The following CFAP20DC variants were observed in gnomAD, a reference collection of about 807,000 sequenced individuals.
CFAP20DC encodes CFAP20 domain containing, also known as protein CFAP20DC.
CFAP20DC carries 84 observed loss-of-function variants against 101.7 expected under a neutral mutation model. The observed-to-expected ratio is 0.83, with a 90% CI of 0.69 to 0.99. The LOEUF (loss-of-function observed/expected upper bound fraction) is 0.99, where lower values mean the gene tolerates loss of function less well. Ranked by LOEUF, CFAP20DC falls within the 50% of genes least tolerant of loss-of-function variation. CFAP20DC has a pLI of 0.00. For missense variants in CFAP20DC, 1,007 were observed against 970.3 expected (o/e 1.04, Z -0.50); for synonymous variants, 359 against 351.2 (o/e 1.02, Z -0.25).
rs1460372380 is a variant in CFAP20DC at position 58,894,468 on chromosome 3, A to G, written c.551-9759T>C. Among the ~76,000 whole-genome samples, 1 of 152,228 alleles carries G rather than the reference A, an allele frequency of 6.6e-6. No individual in the cohort carries two copies. Reference sequence around the variant, plus strand: ...AGGGCAGTCAAATCTCAAAGCTCCAAAATGATCTCCTTTGACTCCATGTCT... The same window carrying G: ...AGGGCAGTCAAATCTCAAAGCTCCAGAATGATCTCCTTTGACTCCATGTCT... On this transcript the variant is annotated intron_variant, in intron 6 of 16. Coordinates refer to ENST00000482387, the MANE Select transcript of CFAP20DC (RefSeq NM_001394063.1). This position sits in a 1 kb window ranked among gnomAD's most constrained non-coding sequence, Gnocchi z 4.1.
chr3:58,794,315 G>A, intron 15 of CFAP20DC: 1 of 455,256 alleles, frequency 2.2e-6, no homozygotes, highest in African/African-American at 2.0e-5. Flanking sequence ...TTAATGGATG[G>A]CAAAGGACCT....
chr3:58,908,498 C>T (rs2083824909), intron 6 of CFAP20DC, among the ~76,000 whole-genome samples: 1 of 152,148 alleles, frequency 6.6e-6, no homozygotes, highest in African/African-American at 2.4e-5. Flanking sequence ...ACAGTGACAA[C>T]ACCAAATGCC....
chr3:58,897,734 T>C lies in CFAP20DC; in HGVS notation c.551-13025A>G, dbSNP rs990066666. On this transcript the variant is annotated intron_variant, in intron 6 of 16. Transcript: ENST00000482387. The surrounding 1 kb of genome is among the most constrained non-coding windows in gnomAD (Gnocchi z 4.4). ...AATCTCTTCTGGCTTGTAGGGTTTC[T>C]GCTGGGAGTTCTGCTGCTAGTCTGA... 1.3e-5 allele frequency among the ~76,000 whole-genome samples: 2 copies of C among 152,252 alleles called. No homozygotes were observed. The highest frequency in any genetic ancestry group is 2.4e-5 in the African/African-American group (1 of 41,464).
In CFAP20DC at chr3:59,049,984, G is replaced by C. The variant is rs1469556951; in HGVS notation, c.-353C>G. 7.5e-6 allele frequency: 2 copies of C among 266,898 alleles called. No homozygotes were observed. Among genetic ancestry groups the C allele is most frequent in the Admixed American group, 4.8e-5 (1 of 20,768 alleles). 16.5% of individuals were successfully genotyped at this position (266,898 alleles called of 1,614,324 possible). On this transcript the variant is annotated 5_prime_UTR_variant, in exon 1 of 17. Transcript: ENST00000482387. Reference sequence around the variant, plus strand: ...CCACAGACAACCGCCCGCTGGCCTAGGAAAAGCGGGCGCGCTCCCGCTGCC... The same window carrying C: ...CCACAGACAACCGCCCGCTGGCCTACGAAAAGCGGGCGCGCTCCCGCTGCC...
intron 15 of CFAP20DC, among the ~76,000 whole-genome samples, chr3:58,782,554 T>C (rs2071934198): frequency 6.6e-6 from 1 of 152,040 alleles, no homozygotes. Flanking sequence ...AGAAAAACTC[T>C]AAGATTTGAT....
chr3:58,884,065 G>GA (rs1406031096), intron 7 of CFAP20DC, among the ~76,000 whole-genome samples: 3 of 151,722 alleles, frequency 2.0e-5, no homozygotes, highest in Non-Finnish European at 2.9e-5. Context: ...AGCTCCTCTT[G>GA]AAAAAAAATG....
At chr3:58,932,659 T>C (rs2086883234) in intron 5 of CFAP20DC, among the ~76,000 whole-genome samples, 2 of 152,180 alleles carry the variant, frequency 1.3e-5, no homozygotes, top group African/African-American at 4.8e-5. Flanking sequence ...CAGAATTTCA[T>C]ATCCAGCCAA....
Position 58,753,109 on chromosome 3 carries a change from C to G in CFAP20DC, c.2332+660G>C, listed in dbSNP as rs544588045. Among the ~76,000 whole-genome samples the G allele has an allele frequency of 3.1e-4, 47 of 152,306 alleles. No individual in the cohort carries two copies. In the South Asian group the frequency reaches 9.3e-3, roughly 30 times the overall value. On this transcript the variant is annotated intron_variant, in intron 16 of 16. Coordinates refer to ENST00000482387, the MANE Select transcript of CFAP20DC (RefSeq NM_001394063.1). ...GACAGTCAAGTTCCCTGCTCACAAC[C>G]AGAAACTAATGGTTCATCTTTATGG...
At chr3:58,950,851 G>A (rs1172686426) in intron 4 of CFAP20DC, among the ~76,000 whole-genome samples, 2 of 152,114 alleles carry the variant, frequency 1.3e-5, no homozygotes, top group Non-Finnish European at 1.5e-5. Flanking sequence ...ATAGGCATGG[G>A]CAAGGACTTC....
intron 4 of CFAP20DC, among the ~76,000 whole-genome samples, chr3:58,987,630 T>C (rs148326543): frequency 1.7e-3 from 252 of 152,116 alleles, no homozygotes; most frequent in African/African-American, 5.8e-3. Flanking sequence ...ATCAGCATTG[T>C]ACAGATACAG....
At chr3:58,878,679 C>T (rs967816452) in intron 7 of CFAP20DC, among the ~76,000 whole-genome samples, 2 of 152,090 alleles carry the variant, frequency 1.3e-5, no homozygotes, top group Non-Finnish European at 2.9e-5. Context: ...AAAACTATTA[C>T]GGTCATGAGA....
Position 58,859,269 on chromosome 3 carries a change from A to G in CFAP20DC, c.1593+4289T>C, listed in dbSNP as rs1232005888. On this transcript the variant is annotated intron_variant, in intron 12 of 16. Coordinates refer to ENST00000482387, the MANE Select transcript of CFAP20DC (RefSeq NM_001394063.1). This position sits in a 1 kb window ranked among gnomAD's most constrained non-coding sequence, Gnocchi z 4.1. ...TGATACTTTACAGACAAATCATAGC[A>G]TAAGTTACAGGTACTGTGTGGGAAG... 6.6e-6 allele frequency among the ~76,000 whole-genome samples: 1 copy of G among 152,242 alleles called. No individual in the cohort carries two copies. The highest frequency in any genetic ancestry group is 2.4e-5 in the African/African-American group (1 of 41,468).
At chr3:58,941,866 T>C (rs1471773408) in intron 4 of CFAP20DC, among the ~76,000 whole-genome samples, 2 of 152,204 alleles carry the variant, frequency 1.3e-5, no homozygotes, top group African/African-American at 4.8e-5. Context: ...CTTTCATTTC[T>C]TTTTCTTGCA....
In CFAP20DC at chr3:58,864,211, C is replaced by T. The variant is rs547732086; in HGVS notation, c.1259-319G>A. 6.6e-6 allele frequency among the ~76,000 whole-genome samples: 1 copy of T among 152,292 alleles called. No individual in the cohort carries two copies. Among genetic ancestry groups the T allele is most frequent in the Admixed American group, 6.5e-5 (1 of 15,308 alleles). On this transcript the variant is annotated intron_variant, in intron 11 of 16. Transcript: ENST00000482387. This position sits in a 1 kb window ranked among gnomAD's most constrained non-coding sequence, Gnocchi z 4.7. Reference sequence around the variant, plus strand: ...TGACTTCATGATCTGCCCGCCTCGGCCTCCCAAAAAGCTGGGATTACAGGC... The same window carrying T: ...TGACTTCATGATCTGCCCGCCTCGGTCTCCCAAAAAGCTGGGATTACAGGC...
intron 3 of CFAP20DC, among the ~76,000 whole-genome samples, chr3:58,733,655 T>A (rs1451479196): frequency 6.6e-6 from 1 of 152,214 alleles, no homozygotes; most frequent in East Asian, 1.9e-4. Context: ...TATAGTGGAG[T>A]CAATTATTTT....
chr3:58,816,340 C>T (rs962089055), intron 14 of CFAP20DC, among the ~76,000 whole-genome samples: 16 of 152,250 alleles, frequency 1.1e-4, no homozygotes, highest in East Asian at 1.9e-4. Context: ...GAGTGAGCGA[C>T]GCAGAAGACG....
intron 14 of CFAP20DC, 51 bp from the exon 15 acceptor site, chr3:58,806,507 C>T: frequency 7.7e-7 from 1 of 1,302,836 alleles, no homozygotes; most frequent in Non-Finnish European, 1.1e-6. Context: ...AAGCTGTTTA[C>T]ATAGACATTC....
chr3:58,794,543 T>A (rs1259377923), intron 15 of CFAP20DC, among the ~76,000 whole-genome samples: 1 of 152,200 alleles, frequency 6.6e-6, no homozygotes, highest in East Asian at 1.9e-4. Context: ...AACAATGCAT[T>A]GCTAGAGTGA....
At chr3:58,866,754 G>A (rs567796344) in intron 10 of CFAP20DC, 66 bp from the exon 11 acceptor site, 1 of 1,110,186 alleles carries the variant, frequency 9.0e-7, no homozygotes, top group Admixed American at 2.1e-5. Context: ...AATTTTAGAA[G>A]AATGGTTTAC....
Sources: allele counts gnomAD v4.1 joint callset (sites outside exome capture counted in the v4.1 genomes callset), GRCh38; gene constraint gnomAD v4.1.1; non-coding constraint Gnocchi (gnomAD v3.1); transcripts MANE v1.5; gene names NCBI Gene and HGNC (gene_info 2026-07-23, HGNC 2026-07-21).